Variants in KSR2 observed in about 807,000 individuals in gnomAD.
KSR2 encodes kinase suppressor of ras 2.
A neutral mutation model predicts 107.8 loss-of-function variants in KSR2; 25 were observed. The ratio of observed to expected loss-of-function variants is 0.23; its 90% confidence interval spans 0.17 to 0.32. The LOEUF (loss-of-function observed/expected upper bound fraction) is 0.32. Among genes scored for constraint, KSR2 ranks in the 10% least tolerant of loss-of-function variants. The probability of loss-of-function intolerance (pLI) is 1.00; values close to 1 mark genes in which losing one functional copy is unlikely to be tolerated. For synonymous variants in KSR2, 480 were observed against 507.0 expected, an observed-to-expected ratio of 0.95 and a Z score of 0.71; for missense variants, 887 against 1,268.9, an observed-to-expected ratio of 0.70 and a Z score of 4.57.
intron 1 of KSR2, among the ~76,000 whole-genome samples, chr12:117,955,381 C>A (rs1896482361): frequency 6.6e-6 from 1 of 152,092 alleles, no homozygotes; most frequent in Admixed American, 6.5e-5. Context: ...CTGCTTTGGC[C>A]TCCCCAAGTG....
chr12:117,723,502 G>A (rs1380525353), intron 4 of KSR2, among the ~76,000 whole-genome samples: 1 of 152,072 alleles, frequency 6.6e-6, no homozygotes, highest in Non-Finnish European at 1.5e-5. Flanking sequence ...TGATCTCACA[G>A]ATAAGTGACA....
rs2137165824 is a variant in KSR2 at position 117,842,117 on chromosome 12, T to G, written c.472+13311A>C. On this transcript the variant is annotated intron_variant, in intron 3 of 19. Transcript: ENST00000339824. The surrounding 1 kb of genome is among the most constrained non-coding windows in gnomAD (Gnocchi z 4.2). ...CAGATTTCTGGGCACTGCCCCGGAC[T>G]GGCTGAAGCAGGAACTCTGGGAGTG... is the stretch of plus-strand genomic sequence containing the variant. Among the ~76,000 whole-genome samples, 3 of 152,388 alleles carry G rather than the reference T, an allele frequency of 2.0e-5. No individual in the cohort carries two copies. In the South Asian group the frequency reaches 6.2e-4, roughly 32 times the overall value.
At chr12:117,807,216 G>A (rs192767613) in intron 3 of KSR2, among the ~76,000 whole-genome samples, 1 of 152,266 alleles carries the variant, frequency 6.6e-6, no homozygotes, top group East Asian at 1.9e-4. Context: ...TGAAGCAAGT[G>A]ATTCCCGGGC....
intron 1 of KSR2, among the ~76,000 whole-genome samples, chr12:117,921,068 C>A (rs1197744343): frequency 1.3e-5 from 2 of 152,152 alleles, no homozygotes; most frequent in African/African-American, 4.8e-5. Flanking sequence ...GTTATTTGAA[C>A]CCAGGCTTTG....
chr12:117,756,887 T>A (rs1888811975), intron 4 of KSR2, among the ~76,000 whole-genome samples: 1 of 151,960 alleles, frequency 6.6e-6, no homozygotes, highest in South Asian at 2.1e-4. Flanking sequence ...AAACTCCATC[T>A]CTCCTAAAAA....
chr12:117,504,550 T>A (rs986420785), intron 14 of KSR2, among the ~76,000 whole-genome samples: 2 of 152,206 alleles, frequency 1.3e-5, no homozygotes, highest in African/African-American at 4.8e-5. Flanking sequence ...CTAGCTTCTA[T>A]CTATGAAGTG....
chr12:117,474,133 C>A (rs762725324), intron 17 of KSR2, among the ~76,000 whole-genome samples: 4 of 152,170 alleles, frequency 2.6e-5, no homozygotes, highest in South Asian at 4.2e-4. Flanking sequence ...ATTAAAACTT[C>A]CTTTTAAACC....
intron 3 of KSR2, among the ~76,000 whole-genome samples, chr12:117,801,392 G>A (rs1890827899): frequency 6.6e-6 from 1 of 151,762 alleles, no homozygotes; most frequent in East Asian, 1.9e-4. Flanking sequence ...GCCTCCCAAA[G>A]TGCTGGGATT....
chr12:117,895,152 G>A (rs972431983), intron 1 of KSR2, among the ~76,000 whole-genome samples: 5 of 151,988 alleles, frequency 3.3e-5, no homozygotes, highest in East Asian at 3.9e-4. Context: ...TGGGAGGATC[G>A]CTTGAGCCCA....
In KSR2 at chr12:117,785,650, T is replaced by C. The variant is rs111465792; in HGVS notation, c.473-24126A>G. On this transcript the variant is annotated intron_variant, in intron 3 of 19. Transcript: ENST00000339824. The stretch of plus-strand genomic sequence containing the variant: ...CGAAAAATACACTATCCAAAATTCA[T>C]TGGAAAATGTTCTCATTTACTGGAT... 7.6e-3 allele frequency among the ~76,000 whole-genome samples: 1,159 copies of C among 152,226 alleles called. 15 individuals are homozygous for C. Among genetic ancestry groups the C allele is most frequent in the African/African-American group, 0.026 (1,078 of 41,540 alleles).
intron 4 of KSR2, among the ~76,000 whole-genome samples, chr12:117,742,223 G>A (rs188338743): frequency 1.0e-3 from 158 of 152,356 alleles, no homozygotes; most frequent in African/African-American, 3.6e-3. Context: ...AAAGGAAACT[G>A]AGGGGTCAGG....
chr12:117,860,500 C>T, intron 1 of KSR2, 69 bp from the exon 2 acceptor site: 2 of 1,463,840 alleles, frequency 1.4e-6, no homozygotes, highest in East Asian at 2.5e-5. Context: ...GAGGCGAGAA[C>T]CCCCTACGAA....
chr12:117,675,527 C>T (rs1885079488), intron 4 of KSR2, among the ~76,000 whole-genome samples: 1 of 152,226 alleles, frequency 6.6e-6, no homozygotes, highest in Non-Finnish European at 1.5e-5. Context: ...GGTGGTTGCA[C>T]ATTCAGCAAA....
chr12:117,539,965 A>C (rs1185665192), intron 9 of KSR2, 78 bp from the exon 10 acceptor site: 3 of 1,235,192 alleles, frequency 2.4e-6, no homozygotes, highest in East Asian at 2.6e-5. Context: ...GCTGAGCAGG[A>C]GAGGCCCCCA....
Position 117,535,938 on chromosome 12 carries a change from C to T in KSR2, c.1687+3781G>A, listed in dbSNP as rs563186610. Among the ~76,000 whole-genome samples, 4 of 152,190 alleles carry T rather than the reference C, an allele frequency of 2.6e-5. No homozygotes were observed. In the East Asian group the frequency reaches 7.8e-4, roughly 30 times the overall value. On this transcript the variant is annotated intron_variant, in intron 10 of 19. Transcript: ENST00000339824. The stretch of plus-strand genomic sequence containing the variant: ...TCCAGGTCTGTCTGTCCATGCAGCA[C>T]TCTTGATGTCACCTTATACTGAGCC...
rs548465599 is a variant in KSR2 at position 117,627,036 on chromosome 12, T to G, written c.1171+40438A>C. On this transcript the variant is annotated intron_variant, in intron 5 of 19. Coordinates refer to ENST00000339824, the MANE Select transcript of KSR2 (RefSeq NM_173598.6). ...GATTGCAACCCCTGCTTTTTTTTTT[T>G]GCTTTCCATTTGCTTGGTAGATCTT... 4.6e-5 allele frequency among the ~76,000 whole-genome samples: 7 copies of G among 152,146 alleles called. No homozygotes were observed. The East Asian group carries it at 1.4e-3, about 29-fold the overall frequency.
chr12:117,555,358 G>C, intron 8 of KSR2, 65 bp from the exon 9 acceptor site: 2 of 1,573,658 alleles, frequency 1.3e-6, no homozygotes. Context: ...ATGCCAGGAC[G>C]GCATAGCTCA....
At chr12:117,892,574 C>A (rs557786211) in intron 1 of KSR2, among the ~76,000 whole-genome samples, 1 of 152,032 alleles carries the variant, frequency 6.6e-6, no homozygotes, top group East Asian at 1.9e-4. Flanking sequence ...AAACTACTGC[C>A]CAGAGGCCAA....
intron 1 of KSR2, among the ~76,000 whole-genome samples, chr12:117,922,524 T>A (rs1365542164): frequency 1.3e-5 from 2 of 152,186 alleles, no homozygotes; most frequent in Non-Finnish European, 2.9e-5. Flanking sequence ...TCAGGTTGCA[T>A]TCATGTTAAA....
Sources: gnomAD v4.1 joint callset for allele counts (sites outside exome capture counted in the v4.1 genomes callset) on GRCh38, gnomAD v4.1.1 for gene constraint, Gnocchi (gnomAD v3.1) non-coding constraint, MANE v1.5 for transcripts, NCBI Gene and HGNC (gene_info 2026-07-23, HGNC 2026-07-21) for gene names.